NBAS: variants seen among roughly 807,000 people sequenced by gnomAD.
NBAS encodes the protein NAG/BC035112 fusion.
NBAS carries 219 observed loss-of-function variants against 302.5 expected under a neutral mutation model. The ratio of observed to expected loss-of-function variants is 0.72; its 90% CI spans 0.65 to 0.81. NBAS has a LOEUF of 0.81. NBAS is among the 30% of genes least tolerant of loss of function. The pLI is 0.00. For missense variants in NBAS, 2,932 were observed against 2,841.6 expected (o/e 1.03, Z -0.72); for synonymous variants, 1,118 against 1,021.6 (o/e 1.09, Z -1.80).
chr2:15,382,362 C>T (rs935076483), intron 29 of NBAS, among the ~76,000 whole-genome samples: 3 of 152,100 alleles, frequency 2.0e-5, no homozygotes, highest in African/African-American at 7.2e-5. Context: ...TGAGAGTTCA[C>T]ATGATATAAT....
At chr2:15,436,158 A>G (rs1678003463) in intron 21 of NBAS, among the ~76,000 whole-genome samples, 1 of 152,358 alleles carries the variant, frequency 6.6e-6, no homozygotes, top group South Asian at 2.1e-4. Context: ...AAAACTCTTA[A>G]GAACTAGAAA....
intron 35 of NBAS, among the ~76,000 whole-genome samples, chr2:15,345,151 T>C (rs2148280100): frequency 6.6e-6 from 1 of 152,270 alleles, no homozygotes; most frequent in East Asian, 1.9e-4. Context: ...CTGGCAGTTC[T>C]GACCAGGGCA....
intron 35 of NBAS, among the ~76,000 whole-genome samples, chr2:15,334,430 C>T (rs987492344): frequency 1.2e-4 from 19 of 152,038 alleles, no homozygotes; most frequent in Admixed American, 5.2e-4. Flanking sequence ...CCTCATGATC[C>T]GCCCGCCTCG....
chr2:15,555,538 T>G (rs1290313952), intron 3 of NBAS, among the ~76,000 whole-genome samples: 1 of 152,076 alleles, frequency 6.6e-6, no homozygotes, highest in African/African-American at 2.4e-5. Context: ...TATTTCATAA[T>G]TAAAAGAACT....
At chr2:15,049,724 G>A in the NBAS span, among the ~76,000 whole-genome samples, 1 of 152,332 alleles carries the variant, frequency 6.6e-6, no homozygotes, top group South Asian at 2.1e-4. Context: ...TCAGACGATG[G>A]AGACAAGTGC....
At chr2:15,445,092 T>C (rs1678654151) in intron 21 of NBAS, among the ~76,000 whole-genome samples, 1 of 151,856 alleles carries the variant, frequency 6.6e-6, no homozygotes, top group South Asian at 2.1e-4. Context: ...TGGAAGTCAG[T>C]GTGGTGATTC....
At chr2:14,868,662 C>A in the NBAS span, among the ~76,000 whole-genome samples, 6 of 152,050 alleles carry the variant, frequency 3.9e-5, no homozygotes, top group Non-Finnish European at 8.8e-5. Context: ...TAGGTACATC[C>A]TCTCCTTACT....
intron 9 of NBAS, among the ~76,000 whole-genome samples, chr2:15,512,027 T>C (rs965040362): frequency 2.0e-5 from 3 of 152,206 alleles, no homozygotes; most frequent in African/African-American, 4.8e-5. Flanking sequence ...TCAGTACTTC[T>C]GGCAGGGATC....
the NBAS span, among the ~76,000 whole-genome samples, chr2:15,017,116 A>G: frequency 6.6e-6 from 1 of 152,154 alleles, no homozygotes; most frequent in Non-Finnish European, 1.5e-5. Flanking sequence ...TCCCCTAGGT[A>G]GAAGAATGAA....
chr2:14,955,828 C>T, the NBAS span, among the ~76,000 whole-genome samples: 111 of 152,328 alleles, frequency 7.3e-4, no homozygotes, highest in African/African-American at 2.5e-3. Flanking sequence ...TCCCTCCTAC[C>T]TCTCCAGGCC....
At chr2:15,523,432 T>C (rs1451185907) in intron 9 of NBAS, among the ~76,000 whole-genome samples, 1 of 149,244 alleles carries the variant, frequency 6.7e-6, no homozygotes, top group Non-Finnish European at 1.5e-5. Context: ...ATAGAGCATT[T>C]ACATTGGATG....
chr2:15,512,662 G>C (rs1005183500), intron 9 of NBAS, among the ~76,000 whole-genome samples: 1 of 152,096 alleles, frequency 6.6e-6, no homozygotes, highest in African/African-American at 2.4e-5. Flanking sequence ...CCTGGCCACC[G>C]CTGGCTTTGA....
chr2:15,468,612 A>G, intron 16 of NBAS, 79 bp from the exon 17 acceptor site: 4 of 1,504,886 alleles, frequency 2.7e-6, no homozygotes, highest in Non-Finnish European at 1.8e-6. Flanking sequence ...TCAGAATTGT[A>G]AAGCTATACC....
the NBAS span, among the ~76,000 whole-genome samples, chr2:15,106,331 C>T: frequency 6.6e-6 from 1 of 152,096 alleles, no homozygotes; most frequent in East Asian, 1.9e-4. Flanking sequence ...ACCCACAACA[C>T]TTAGAGGATG....
At chr2:15,341,301 G>A (rs747298178) in intron 35 of NBAS, among the ~76,000 whole-genome samples, 3 of 152,058 alleles carry the variant, frequency 2.0e-5, no homozygotes, top group Non-Finnish European at 2.9e-5. Flanking sequence ...CTTGAGAATT[G>A]CTTGAACCCA....
the NBAS span, among the ~76,000 whole-genome samples, chr2:14,926,895 C>T: frequency 5.3e-5 from 8 of 152,358 alleles, no homozygotes; most frequent in South Asian, 2.1e-4. Flanking sequence ...TGGGCGACGA[C>T]GCCCAGATGT....
At chr2:14,884,720 GA>G in the NBAS span, among the ~76,000 whole-genome samples, 1 of 152,138 alleles carries the variant, frequency 6.6e-6, no homozygotes, top group African/African-American at 2.4e-5. Flanking sequence ...CATACAGTAC[GA>G]AAACAAATAA....
At chr2:14,784,830 A>G in the NBAS span, among the ~76,000 whole-genome samples, 1 of 152,168 alleles carries the variant, frequency 6.6e-6, no homozygotes, top group East Asian at 1.9e-4. Context: ...ATGAACTTTA[A>G]AGCAGTTTTT....
At chr2:15,390,664 A>G (rs1179773226) in intron 28 of NBAS, among the ~76,000 whole-genome samples, 2 of 152,224 alleles carry the variant, frequency 1.3e-5, no homozygotes, top group Admixed American at 1.3e-4. Context: ...GTTTCACCAT[A>G]GTAACCTTTT....
Sources: gnomAD v4.1 joint callset for allele counts (sites outside exome capture counted in the v4.1 genomes callset) on GRCh38, gnomAD v4.1.1 for gene constraint, MANE v1.5 for transcripts, NCBI Gene and HGNC (gene_info 2026-07-23, HGNC 2026-07-21) for gene names.